Variants in PIGK observed in about 807,000 individuals in gnomAD.
The protein encoded by PIGK is phosphatidylinositol glycan anchor biosynthesis class K.
Under a neutral mutation model 50.6 loss-of-function variants are expected in PIGK, and 42 were observed. The observed-to-expected ratio is 0.83, with a 90% CI of 0.65 to 1.07. PIGK has a LOEUF of 1.07. Ranked by LOEUF, PIGK falls within the 50% of genes least tolerant of loss-of-function variation. PIGK has a pLI of 0.00. For synonymous variants in PIGK, 151 were observed against 156.0 expected, an observed-to-expected ratio of 0.97 and a Z score of 0.24; for missense variants, 448 against 488.7, an observed-to-expected ratio of 0.92 and a Z score of 0.78.
chr1:77,152,704 C>A (rs1570226238), intron 9 of PIGK, among the ~76,000 whole-genome samples: 1 of 151,664 alleles, frequency 6.6e-6, no homozygotes. Flanking sequence ...CAAAAAAAAT[C>A]TAATTATAAA....
intron 3 of PIGK, among the ~76,000 whole-genome samples, chr1:77,170,914 A>C (rs1365556588): frequency 6.6e-6 from 1 of 152,196 alleles, no homozygotes; most frequent in Non-Finnish European, 1.5e-5. Flanking sequence ...TTTTCTTGAA[A>C]ATTGGCTAGA....
chr1:77,117,442 T>C (rs1182523879), intron 10 of PIGK, among the ~76,000 whole-genome samples: 1 of 152,238 alleles, frequency 6.6e-6, no homozygotes, highest in Non-Finnish European at 1.5e-5. Flanking sequence ...TTGACTGGTA[T>C]CTTCGGGGAG....
chr1:77,150,755 T>C (rs1025448034), intron 9 of PIGK, among the ~76,000 whole-genome samples: 1 of 151,876 alleles, frequency 6.6e-6, no homozygotes, highest in Non-Finnish European at 1.5e-5. Flanking sequence ...AGAAGAAACA[T>C]ATAAAATCCT....
chr1:77,193,244 AAT>A (rs1491324353), intron 3 of PIGK, among the ~76,000 whole-genome samples: 1 of 100,506 alleles, frequency 9.9e-6, no homozygotes, highest in Non-Finnish European at 1.8e-5. Flanking sequence ...GTGGCATGAG[AAT>A]GTGTGTGTGT....
intron 10 of PIGK, among the ~76,000 whole-genome samples, chr1:77,121,802 G>A (rs1400988809): frequency 6.6e-6 from 1 of 152,094 alleles, no homozygotes; most frequent in Non-Finnish European, 1.5e-5. Context: ...CATTATAATT[G>A]GAAATGAACA....
intron 10 of PIGK, among the ~76,000 whole-genome samples, chr1:77,112,015 T>C (rs980188710): frequency 4.6e-5 from 7 of 151,744 alleles, no homozygotes; most frequent in African/African-American, 9.7e-5. Flanking sequence ...TTAAATAAAA[T>C]AGTCTTTTAA....
intron 3 of PIGK, among the ~76,000 whole-genome samples, chr1:77,186,454 T>G (rs1655743961): frequency 6.6e-6 from 1 of 152,220 alleles, no homozygotes; most frequent in African/African-American, 2.4e-5. Flanking sequence ...TAGCCAATGA[T>G]CTGGCTGGAT....
chr1:77,149,327 ACAAGACCCAC>A, intron 9 of PIGK, among the ~76,000 whole-genome samples: 1 of 152,244 alleles, frequency 6.6e-6, no homozygotes, highest in African/African-American at 2.4e-5. Context: ...GGATTAAAAA[ACAAGACCCAC>A]CTATATGTTG....
chr1:77,206,796 T>C, intron 2 of PIGK, 65 bp from the exon 3 acceptor site: 1 of 956,080 alleles, frequency 1.0e-6, no homozygotes, highest in South Asian at 1.3e-5. Flanking sequence ...TGCAGAGTAT[T>C]TTTCTTTAAG....
At chr1:77,186,583 C>T (rs1655751914) in intron 3 of PIGK, among the ~76,000 whole-genome samples, 1 of 152,164 alleles carries the variant, frequency 6.6e-6, no homozygotes, top group African/African-American at 2.4e-5. Context: ...CATGTGAGAG[C>T]TCAGCAATGG....
intron 10 of PIGK, among the ~76,000 whole-genome samples, chr1:77,100,404 AT>A (rs1653514916): frequency 1.3e-5 from 2 of 152,288 alleles, no homozygotes; most frequent in African/African-American, 4.8e-5. Context: ...TATTTCTCTA[AT>A]TATATTAATA....
intron 9 of PIGK, among the ~76,000 whole-genome samples, chr1:77,150,265 C>G (rs909528146): frequency 6.6e-6 from 1 of 151,730 alleles, no homozygotes; most frequent in Non-Finnish European, 1.5e-5. Flanking sequence ...CACTTGTAAC[C>G]CCAGCACTTT....
intron 1 of PIGK, among the ~76,000 whole-genome samples, chr1:77,212,799 T>C (rs561328160): frequency 6.6e-6 from 1 of 152,324 alleles, no homozygotes; most frequent in East Asian, 1.9e-4. Context: ...AGCACCCAGA[T>C]GTATAAATCA....
intron 3 of PIGK, among the ~76,000 whole-genome samples, chr1:77,186,901 T>C (rs369368283): frequency 1.2e-4 from 19 of 152,316 alleles, no homozygotes; most frequent in African/African-American, 4.3e-4. Flanking sequence ...GTTGATTATA[T>C]TGAACCTCTT....
chr1:77,199,532 AT>A (rs926661475), intron 3 of PIGK, among the ~76,000 whole-genome samples: 38 of 152,018 alleles, frequency 2.5e-4, no homozygotes, highest in African/African-American at 8.7e-4. Flanking sequence ...TTCATAAAAA[AT>A]GAGACAAAAT....
intron 10 of PIGK, among the ~76,000 whole-genome samples, chr1:77,093,802 T>C (rs550427755): frequency 2.6e-5 from 4 of 152,218 alleles, no homozygotes; most frequent in African/African-American, 9.6e-5. Context: ...ACTCAACATG[T>C]GTGATGATAA....
Position 77,154,379 on chromosome 1 carries a change from A to T in PIGK, c.986+70T>A. ...CAAACACCAACTTTTGCCTCTTAAT[A>T]CAATGTTTCAAAAAAATGTACAAAC... is the stretch of plus-strand genomic sequence containing the variant. On this transcript the variant is annotated intron_variant, in intron 9 of 10. Transcript: ENST00000370812. 3 of 1,205,706 alleles carry T rather than the reference A, an allele frequency of 2.5e-6. No homozygotes were observed. In the Admixed American group the frequency reaches 6.2e-5, roughly 25 times the overall value. 74.7% of individuals were successfully genotyped at this position (1,205,706 alleles called of 1,614,324 possible).
At chr1:77,108,467 T>C (rs575205653) in intron 10 of PIGK, among the ~76,000 whole-genome samples, 1 of 152,306 alleles carries the variant, frequency 6.6e-6, no homozygotes, top group African/African-American at 2.4e-5. Flanking sequence ...CTGCTGTTAG[T>C]CTGATGGGCT....
intron 8 of PIGK, among the ~76,000 whole-genome samples, chr1:77,157,611 T>C (rs1655038320): frequency 6.6e-6 from 1 of 152,206 alleles, no homozygotes; most frequent in Non-Finnish European, 1.5e-5. Context: ...ACAGTTAAAG[T>C]AGCATTATCA....
Sources: allele counts gnomAD v4.1 joint callset (sites outside exome capture counted in the v4.1 genomes callset), GRCh38; gene constraint gnomAD v4.1.1; transcripts MANE v1.5; gene names NCBI Gene and HGNC (gene_info 2026-07-23, HGNC 2026-07-21).